RANBP2: variants seen among roughly 807,000 people sequenced by gnomAD.
The protein encoded by RANBP2 is RAN binding protein 2, also known as E3 SUMO-protein ligase RanBP2.
A neutral mutation model predicts 303.6 loss-of-function variants in RANBP2; 57 were observed. The ratio of observed to expected loss-of-function variants is 0.19; its 90% confidence interval spans 0.15 to 0.23. The LOEUF (loss-of-function observed/expected upper bound fraction) is 0.23. Ranked by LOEUF, RANBP2 falls within the 10% of genes least tolerant of loss-of-function variation. The pLI is 1.00. For missense variants in RANBP2, 3,138 were observed against 3,780.8 expected, an observed-to-expected ratio of 0.83 and a Z score of 4.46; for synonymous variants, 1,167 against 1,301.5, an observed-to-expected ratio of 0.90 and a Z score of 2.23.
chr2:108,780,691 G>A (rs751177776), intron 25 of RANBP2, among the ~76,000 whole-genome samples: 1 of 150,956 alleles, frequency 6.6e-6, no homozygotes, highest in Non-Finnish European at 1.5e-5. Flanking sequence ...CACCACTCCC[G>A]GCTTTTCTTT....
the RANBP2 span, chr2:109,544,244 C>T: frequency 9.3e-6 from 15 of 1,612,306 alleles, no homozygotes; most frequent in Non-Finnish European, 1.3e-5. Flanking sequence ...TCAAAGCACA[C>T]TTCTAGTTTT....
chr2:108,839,825 T>G, the RANBP2 span, among the ~76,000 whole-genome samples: 6 of 149,108 alleles, frequency 4.0e-5, no homozygotes, highest in African/African-American at 7.4e-5. Context: ...CAGTGTTGTG[T>G]TTTTTTTTTC....
chr2:109,506,874 C>T, the RANBP2 span, among the ~76,000 whole-genome samples: 1 of 152,186 alleles, frequency 6.6e-6, no homozygotes, highest in Non-Finnish European at 1.5e-5. Flanking sequence ...GAAACCGAGG[C>T]ACCACCATCC....
At chr2:109,728,806 T>G in the RANBP2 span, among the ~76,000 whole-genome samples, 1 of 151,350 alleles carries the variant, frequency 6.6e-6, no homozygotes, top group Admixed American at 6.6e-5. Context: ...GGTTTGGTTC[T>G]CTAGATCGAA....
the RANBP2 span, among the ~76,000 whole-genome samples, chr2:109,333,489 G>A: frequency 2.0e-5 from 3 of 152,180 alleles, no homozygotes; most frequent in Admixed American, 2.0e-4. Flanking sequence ...ACAAAGTGAG[G>A]TTTCACGTAT....
chr2:109,122,684 A>G, the RANBP2 span, among the ~76,000 whole-genome samples: 1 of 152,144 alleles, frequency 6.6e-6, no homozygotes, highest in Non-Finnish European at 1.5e-5. Flanking sequence ...AGCCTGGTCA[A>G]CATAGCGAGA....
chr2:109,552,711 C>A, the RANBP2 span: 1 of 192,344 alleles, frequency 5.2e-6, no homozygotes. Flanking sequence ...TTGGCACTAA[C>A]AAAGACAAAC....
At chr2:109,379,862 G>A in the RANBP2 span, among the ~76,000 whole-genome samples, 7 of 152,278 alleles carry the variant, frequency 4.6e-5, no homozygotes, top group South Asian at 1.0e-3. Flanking sequence ...ACCCAATGGC[G>A]TGTCTCCTGG....
At chr2:109,634,119 CAAAAAAAAAAAAAAAAAAA>C in the RANBP2 span, among the ~76,000 whole-genome samples, 6 of 56,086 alleles carry the variant, frequency 1.1e-4, no homozygotes, top group Non-Finnish European at 1.7e-4. Flanking sequence ...GACTCTGTCT[CAAAAAAAAAAAAAAAAAAA>C]AAAAAAAAGA....
At chr2:109,654,504 A>T in the RANBP2 span, among the ~76,000 whole-genome samples, 4 of 151,718 alleles carry the variant, frequency 2.6e-5, no homozygotes, top group Non-Finnish European at 5.9e-5. Context: ...TTACTACCAT[A>T]TCCATCATTA....
intron 6 of RANBP2, among the ~76,000 whole-genome samples, chr2:108,738,414 C>T (rs538957623): frequency 1.5e-3 from 227 of 152,076 alleles, no homozygotes; most frequent in Admixed American, 5.4e-3. Flanking sequence ...CTACCTTGGC[C>T]TCCCAAAGTA....
chr2:109,356,104 G>A, the RANBP2 span, among the ~76,000 whole-genome samples: 1 of 152,178 alleles, frequency 6.6e-6, no homozygotes, highest in African/African-American at 2.4e-5. Context: ...TATTGTGGGA[G>A]TTTGGGTTAG....
chr2:109,677,213 T>C, the RANBP2 span, among the ~76,000 whole-genome samples: 39 of 152,120 alleles, frequency 2.6e-4, no homozygotes, highest in Non-Finnish European at 4.6e-4. Context: ...CTCACTTTTG[T>C]CACCAGCCAG....
the RANBP2 span, chr2:108,894,461 A>G: frequency 1.3e-5 from 2 of 152,668 alleles, no homozygotes; most frequent in African/African-American, 4.8e-5. Flanking sequence ...ACATTACGGT[A>G]GTCTATAAAT....
chr2:109,374,551 A>G, the RANBP2 span, among the ~76,000 whole-genome samples: 3 of 152,212 alleles, frequency 2.0e-5, no homozygotes, highest in Non-Finnish European at 2.9e-5. Flanking sequence ...TGAGAGAGTC[A>G]GACCCACCTG....
chr2:109,555,496 G>C, the RANBP2 span, among the ~76,000 whole-genome samples: 2 of 152,040 alleles, frequency 1.3e-5, no homozygotes, highest in African/African-American at 4.8e-5. Flanking sequence ...AAAGAATGAG[G>C]GTCATGATCA....
chr2:108,786,729 C>T, downstream of RANBP2: 4 of 1,175,116 alleles, frequency 3.4e-6, no homozygotes, highest in Middle Eastern at 2.3e-4. Context: ...CTCGGGGGGG[C>T]GGGGTCTGGC....
At chr2:109,329,119 A>C in the RANBP2 span, among the ~76,000 whole-genome samples, 511 of 151,722 alleles carry the variant, frequency 3.4e-3, 2 homozygotes, top group Non-Finnish European at 5.1e-3. Context: ...TTCATCTCCA[A>C]ATGTTCCCCT....
the RANBP2 span, chr2:109,595,096 G>A: frequency 0.52 from 79,192 of 151,860 alleles, 21,794 homozygotes; most frequent in African/African-American, 0.7. Context: ...CACGTTGGCC[G>A]GGGTGGTCTC....
Sources: allele counts gnomAD v4.1 joint callset (sites outside exome capture counted in the v4.1 genomes callset), GRCh38; gene constraint gnomAD v4.1.1; transcripts MANE v1.5; gene names NCBI Gene and HGNC (gene_info 2026-07-23, HGNC 2026-07-21).